Variants in ADAMTS20 observed in about 807,000 individuals in gnomAD.
ADAMTS20 encodes A disintegrin and metalloproteinase with thrombospondin motifs 20.
Under a neutral mutation model 260.1 loss-of-function variants are expected in ADAMTS20, and 225 were observed. The ratio of observed to expected loss-of-function variants is 0.87; its 90% confidence interval spans 0.78 to 0.97. The LOEUF is 0.97. Among genes scored for constraint, ADAMTS20 ranks in the 50% least tolerant of loss-of-function variants. The probability of loss-of-function intolerance (pLI) is 0.00; values close to 1 mark genes in which losing one functional copy is unlikely to be tolerated. For synonymous variants in ADAMTS20, 802 were observed against 769.5 expected (o/e 1.04, Z -0.70); for missense variants, 2,400 against 2,337.7 (o/e 1.03, Z -0.55).
At chr12:43,412,101 G>T (rs947410103) in intron 28 of ADAMTS20, among the ~76,000 whole-genome samples, 17 of 152,118 alleles carry the variant, frequency 1.1e-4, no homozygotes, top group African/African-American at 4.1e-4. Context: ...ACTGAATAAA[G>T]AAATGAACCG....
chr12:43,354,084 A>G lies in ADAMTS20; in HGVS notation c.*125T>C. The G allele has an allele frequency of 1.5e-6, 1 of 647,174 alleles. No individual in the cohort carries two copies. Among genetic ancestry groups the G allele is most frequent in the South Asian group, 2.9e-5 (1 of 34,624 alleles). The allele number at this position is 647,174 out of a possible 1,614,324, so 40.1% of individuals were successfully genotyped here. On this transcript the variant is annotated 3_prime_UTR_variant, in exon 39 of 39. Transcript: ENST00000389420. The stretch of plus-strand genomic sequence containing the variant: ...TTTGAATCCCTGATGAGCACCCTGA[A>G]AAAAAGGCAGAGACATATTGGACAT...
At chr12:43,493,527 C>T (rs1362248739) in intron 4 of ADAMTS20, among the ~76,000 whole-genome samples, 2 of 152,150 alleles carry the variant, frequency 1.3e-5, no homozygotes, top group African/African-American at 4.8e-5. Context: ...TCAGCAGCAT[C>T]CACATAACCT....
intron 14 of ADAMTS20, among the ~76,000 whole-genome samples, chr12:43,447,361 T>G (rs767934061): frequency 2.0e-5 from 3 of 152,066 alleles, no homozygotes; most frequent in Non-Finnish European, 4.4e-5. Context: ...CAAATGCAAT[T>G]CATCACATAA....
chr12:43,495,548 C>T (rs903484), intron 4 of ADAMTS20, among the ~76,000 whole-genome samples: 36,190 of 152,076 alleles, frequency 0.24, 4,697 homozygotes, highest in African/African-American at 0.33. Context: ...AGTTCTAGTA[C>T]ATGTGTTTCA....
chr12:43,460,992 T>A (rs868421153), intron 11 of ADAMTS20, among the ~76,000 whole-genome samples: 4,261 of 54,542 alleles, frequency 0.078, 130 homozygotes, highest in Non-Finnish European at 0.088. Context: ...ATATATATTT[T>A]TTTTTTTTTT....
At chr12:43,361,315 A>G (rs2137185583) in intron 37 of ADAMTS20, among the ~76,000 whole-genome samples, 1 of 152,366 alleles carries the variant, frequency 6.6e-6, no homozygotes, top group Non-Finnish European at 1.5e-5. Flanking sequence ...TATATTACAG[A>G]ACATCTCCAA....
rs1941378526 is a variant in ADAMTS20 at position 43,428,508 on chromosome 12, T to C, written c.3678A>G (p.Gly1226=). 1 of 1,613,456 alleles carries C rather than the reference T, an allele frequency of 6.2e-7. No homozygotes were observed. The highest frequency in any genetic ancestry group is 8.5e-7 in the Non-Finnish European group (1 of 1,179,642). The change falls in exon 26 of 39, where the codon GGA becomes GGG. Residue 1226 remains glycine (G), a synonymous_variant. Transcript: ENST00000389420. The part of the protein sequence containing the change: ...WSPCSASCGH[G]KTTRQVLCMN... ...TGCATAAAACTTGTCGAGTTGTTTT[T>C]CCATGGCCACAGGAAGCTGAACACT...
intron 28 of ADAMTS20, among the ~76,000 whole-genome samples, chr12:43,410,870 T>G (rs545515877): frequency 1.2e-4 from 19 of 152,312 alleles, no homozygotes; most frequent in Admixed American, 1.1e-3. Flanking sequence ...TGGGCTATAT[T>G]GTATTATGTA....
At chr12:43,468,860 A>T (rs1020140083) in intron 7 of ADAMTS20, among the ~76,000 whole-genome samples, 155 bp from the exon 8 acceptor site, 2 of 152,156 alleles carry the variant, frequency 1.3e-5, no homozygotes, top group Non-Finnish European at 2.9e-5. Context: ...AAGGTGAAAA[A>T]GAGAATGGAA....
At chr12:43,511,493 G>T (rs1270361081) in intron 3 of ADAMTS20, among the ~76,000 whole-genome samples, 1 of 152,042 alleles carries the variant, frequency 6.6e-6, no homozygotes, top group South Asian at 2.1e-4. Context: ...TGGAAAGAAA[G>T]AAAAAGGATT....
chr12:43,414,763 C>CTAAACTAGTT (rs1941098488), intron 28 of ADAMTS20, among the ~76,000 whole-genome samples: 2 of 151,952 alleles, frequency 1.3e-5, no homozygotes, highest in Non-Finnish European at 2.9e-5. Context: ...TGTACTAAAA[C>CTAAACTAGTT]TAAACTAGTT....
At position 43,432,486 on chromosome 12, in the gene ADAMTS20, A is replaced by T. The variant is rs772307729; in HGVS notation, c.2932-18T>A. On this transcript the variant is annotated intron_variant, in intron 20 of 38. Coordinates refer to ENST00000389420, the MANE Select transcript of ADAMTS20 (RefSeq NM_025003.5). ...CTGGAACACTGATTAAAAAAAAAAA[A>T]GTGGTAACTAATGGAAAAAAATCAG... is the stretch of plus-strand genomic sequence containing the variant. 1.1e-5 allele frequency: 17 copies of T among 1,591,654 alleles called. No homozygotes were observed. The highest frequency in any genetic ancestry group is 1.4e-5 in the Non-Finnish European group (16 of 1,170,050).
Position 43,543,885 on chromosome 12 carries a change from T to C in ADAMTS20, c.453+7024A>G, listed in dbSNP as rs144390083. 8.2e-3 allele frequency among the ~76,000 whole-genome samples: 1,250 copies of C among 152,328 alleles called. 17 individuals are homozygous for C. Among genetic ancestry groups the C allele is most frequent in the African/African-American group, 0.028 (1,156 of 41,566 alleles). ...GGGCTGAGAAAGTCAAGATCCAGTA[T>C]ACCTTCTCCATGCTCTTACTATAGT... On this transcript the variant is annotated intron_variant, in intron 2 of 38. Transcript: ENST00000389420.
At position 43,454,025 on chromosome 12, in the gene ADAMTS20, T is replaced by C. The variant is rs920843648; in HGVS notation, c.1642A>G (p.Lys548Glu). 1.2e-6 allele frequency: 2 copies of C among 1,613,656 alleles called. No homozygotes were observed. The highest frequency in any genetic ancestry group is 2.7e-5 in the African/African-American group (2 of 74,922). The change falls in exon 12 of 39, where the codon AAA becomes GAA. Residue 548 changes from lysine to glutamate, a missense_variant. By Grantham distance (56) the Lys-to-Glu change is moderately conservative. Transcript: ENST00000389420. ...TTTACAGGACGTGTTTCCGTTTCTTTGTTTACACATAGCCCATGACGGCAA... is the reference window on the plus strand; with the variant it reads ...TTTACAGGACGTGTTTCCGTTTCTTCGTTTACACATAGCCCATGACGGCAA... Reference protein sequence around the residue: ...MHCRHGLCVNKETETRPVNGE... With the variant: ...MHCRHGLCVNEETETRPVNGE...
At position 43,551,923 on chromosome 12, in the gene ADAMTS20, G is replaced by T. The variant is rs756495582; in HGVS notation, c.-2C>A. On this transcript the variant is annotated 5_prime_UTR_variant, in exon 1 of 39. Transcript: ENST00000389420. The surrounding 1 kb of genome is among the most constrained non-coding windows in gnomAD (Gnocchi z 4.6). Reference sequence around the variant, plus strand: ...AGTCAGCCACTTGGCCACCCACATGGTTCCACCCTGGGGACCCCGATCGGG... The same window carrying T: ...AGTCAGCCACTTGGCCACCCACATGTTTCCACCCTGGGGACCCCGATCGGG... The T allele has an allele frequency of 1.2e-6, 2 of 1,613,324 alleles. No homozygotes were observed. Among genetic ancestry groups the T allele is most frequent in the Non-Finnish European group, 1.7e-6 (2 of 1,179,650 alleles).
chr12:43,358,969 C>A (rs1939810287), intron 37 of ADAMTS20, among the ~76,000 whole-genome samples: 1 of 151,202 alleles, frequency 6.6e-6, no homozygotes, highest in Admixed American at 6.6e-5. Context: ...TCCAATACTT[C>A]ATTTAAGATT....
At chr12:43,503,416 T>A (rs1942796181) in intron 3 of ADAMTS20, among the ~76,000 whole-genome samples, 1 of 152,078 alleles carries the variant, frequency 6.6e-6, no homozygotes, top group Non-Finnish European at 1.5e-5. Context: ...TATAAAAACA[T>A]ATTTCATTAT....
At chr12:43,488,351 T>C (rs917441116) in intron 7 of ADAMTS20, among the ~76,000 whole-genome samples, 5 of 152,270 alleles carry the variant, frequency 3.3e-5, no homozygotes, top group Admixed American at 1.3e-4. Context: ...GAAGTCTCCA[T>C]AATCACAGGT....
At chr12:43,412,466 A>T (rs1183149458) in intron 28 of ADAMTS20, among the ~76,000 whole-genome samples, 1 of 152,212 alleles carries the variant, frequency 6.6e-6, no homozygotes, top group Non-Finnish European at 1.5e-5. Flanking sequence ...AAGGAAAGCT[A>T]CATGTAATAG....
Sources: gnomAD v4.1 joint callset for allele counts (sites outside exome capture counted in the v4.1 genomes callset) on GRCh38, gnomAD v4.1.1 for gene constraint, Gnocchi (gnomAD v3.1) non-coding constraint, MANE v1.5 for transcripts, NCBI Gene and HGNC (gene_info 2026-07-23, HGNC 2026-07-21) for gene names.